SHISA6: variants seen among roughly 807,000 people sequenced by gnomAD.
SHISA6 encodes the protein shisa family member 6.
A neutral mutation model predicts 47.9 loss-of-function variants in SHISA6; 22 were observed. The observed-to-expected ratio is 0.46, with a 90% CI of 0.33 to 0.66. SHISA6 has a LOEUF of 0.66. Among genes scored for constraint, SHISA6 ranks in the 30% least tolerant of loss-of-function variants. The pLI is 0.02. For missense variants in SHISA6, 680 were observed against 764.6 expected, an observed-to-expected ratio of 0.89 and a Z score of 1.30; for synonymous variants, 388 against 337.8, an observed-to-expected ratio of 1.15 and a Z score of -1.63.
chr17:11,346,097 C>A (rs1911692234), intron 2 of SHISA6, among the ~76,000 whole-genome samples: 1 of 152,086 alleles, frequency 6.6e-6, no homozygotes, highest in African/African-American at 2.4e-5. Flanking sequence ...TTCATAGATG[C>A]TCTTTGCAAG....
intron 3 of SHISA6, among the ~76,000 whole-genome samples, chr17:11,503,402 G>C (rs2142348966): frequency 1.3e-5 from 2 of 152,164 alleles, no homozygotes; most frequent in Middle Eastern, 3.4e-3. Context: ...GAGAGTGGAG[G>C]TGGGGGTGGG....
chr17:11,370,811 G>A (rs1042069731), intron 2 of SHISA6, among the ~76,000 whole-genome samples: 2 of 152,132 alleles, frequency 1.3e-5, no homozygotes, highest in African/African-American at 4.8e-5. Context: ...TGAGAGTGTC[G>A]GGTAAGGTGG....
At chr17:11,348,822 T>G (rs1237274460) in intron 2 of SHISA6, among the ~76,000 whole-genome samples, 1 of 152,214 alleles carries the variant, frequency 6.6e-6, no homozygotes, top group Non-Finnish European at 1.5e-5. Context: ...ATTGCTCACT[T>G]TCAAACCACA....
At chr17:11,254,657 G>A (rs1000057513) in intron 1 of SHISA6, among the ~76,000 whole-genome samples, 2 of 152,208 alleles carry the variant, frequency 1.3e-5, no homozygotes, top group African/African-American at 4.8e-5. Context: ...TTGTTAGGAT[G>A]CAATTCTAGT....
At chr17:11,547,309 T>C (rs552683992) in intron 3 of SHISA6, among the ~76,000 whole-genome samples, 5 of 152,342 alleles carry the variant, frequency 3.3e-5, no homozygotes, top group African/African-American at 1.2e-4. Context: ...ATTGATTGTA[T>C]ATTAGTCCAC....
chr17:11,381,860 C>T (rs990177120), intron 3 of SHISA6, among the ~76,000 whole-genome samples: 5 of 152,188 alleles, frequency 3.3e-5, no homozygotes, highest in African/African-American at 1.2e-4. Context: ...GCGTGCATTG[C>T]TTGTTCTCCC....
chr17:11,410,085 A>T (rs1269275470), intron 3 of SHISA6, among the ~76,000 whole-genome samples: 1 of 152,200 alleles, frequency 6.6e-6, no homozygotes, highest in South Asian at 2.1e-4. Context: ...GTGAGTCCAG[A>T]TGCCTCCCAG....
At chr17:11,457,463 G>T (rs1013191803) in intron 3 of SHISA6, among the ~76,000 whole-genome samples, 1 of 152,144 alleles carries the variant, frequency 6.6e-6, no homozygotes, top group African/African-American at 2.4e-5. Flanking sequence ...CGGGCACGGT[G>T]GCTCATGCCT....
chr17:11,255,345 A>T (rs1907967172), intron 1 of SHISA6, among the ~76,000 whole-genome samples: 1 of 152,206 alleles, frequency 6.6e-6, no homozygotes, highest in Admixed American at 6.5e-5. Flanking sequence ...GAGGGAGGAA[A>T]GAAGGAAAGA....
chr17:11,471,783 T>A (rs1915940346), intron 3 of SHISA6, among the ~76,000 whole-genome samples: 1 of 152,190 alleles, frequency 6.6e-6, no homozygotes, highest in Admixed American at 6.5e-5. Flanking sequence ...TCTTAAAAGA[T>A]ATTTTTTAGA....
chr17:11,462,544 C>T (rs1463490125), intron 3 of SHISA6, among the ~76,000 whole-genome samples: 1 of 152,136 alleles, frequency 6.6e-6, no homozygotes, highest in Non-Finnish European at 1.5e-5. Flanking sequence ...GTTGGGCAAC[C>T]CTCAATAAGA....
chr17:11,243,586 C>T (rs574782824), intron 1 of SHISA6, among the ~76,000 whole-genome samples: 1 of 152,174 alleles, frequency 6.6e-6, no homozygotes, highest in South Asian at 2.1e-4. Flanking sequence ...GGACGGTGAG[C>T]AAAATAAAGG....
intron 3 of SHISA6, among the ~76,000 whole-genome samples, chr17:11,523,954 C>T (rs1485159424): frequency 1.3e-5 from 2 of 150,116 alleles, no homozygotes; most frequent in African/African-American, 4.9e-5. Context: ...TGCAGTGAGC[C>T]GAGAAACACG....
intron 3 of SHISA6, among the ~76,000 whole-genome samples, chr17:11,519,128 C>T (rs753682978): frequency 1.3e-4 from 20 of 152,310 alleles, no homozygotes; most frequent in Non-Finnish European, 2.1e-4. Context: ...TCTTCTCCTC[C>T]GCTGCCAAAG....
At chr17:11,401,939 C>T (rs555097276) in intron 3 of SHISA6, among the ~76,000 whole-genome samples, 30 of 152,290 alleles carry the variant, frequency 2.0e-4, no homozygotes, top group Middle Eastern at 3.4e-3. Context: ...TCCACACATA[C>T]GCATTGCAGT....
intron 3 of SHISA6, among the ~76,000 whole-genome samples, chr17:11,435,022 A>T (rs1340676166): frequency 6.6e-6 from 1 of 152,100 alleles, no homozygotes; most frequent in African/African-American, 2.4e-5. Context: ...TTTGGGAGAT[A>T]ATTAGGGTTA....
At chr17:11,330,102 G>C (rs1299754602) in intron 2 of SHISA6, among the ~76,000 whole-genome samples, 1 of 152,140 alleles carries the variant, frequency 6.6e-6, no homozygotes, top group Non-Finnish European at 1.5e-5. Context: ...TAGTATCCCA[G>C]AGGGAAGCAA....
chr17:11,311,276 C>T lies in SHISA6; in HGVS notation c.799+47750C>T, dbSNP rs1241408171. Reference sequence around the variant, plus strand: ...TAGCCTGGGAGGCAGAGCAAGACTTCGTCAAAAAAAAAAAAAAAAAAAAAC... The same window carrying T: ...TAGCCTGGGAGGCAGAGCAAGACTTTGTCAAAAAAAAAAAAAAAAAAAAAC... On this transcript the variant is annotated intron_variant, in intron 2 of 5. Transcript: ENST00000441885. 4.3e-3 allele frequency among the ~76,000 whole-genome samples: 403 copies of T among 94,598 alleles called. 5 individuals carry two copies. Among genetic ancestry groups the T allele is most frequent in the African/African-American group, 0.018 (385 of 21,140 alleles). 62.1% of individuals were successfully genotyped at this position (94,598 alleles called of 152,430 possible). A position where few individuals can be genotyped will look rare whatever the true frequency, so the allele number is the denominator to read the frequency against.
Position 11,290,505 on chromosome 17 carries a change from C to T in SHISA6, c.799+26979C>T, listed in dbSNP as rs1457326961. On this transcript the variant is annotated intron_variant, in intron 2 of 5. Transcript: ENST00000441885. ...AGCTGGGACTACAGGCGCCCGCCAC[C>T]ACACCTGGCTAAGTTTTTGTGTTTT... The T allele has an allele frequency of 4.6e-5, 7 of 152,072 alleles. No individual in the cohort carries two copies. The East Asian group carries it at 1.2e-3, about 25-fold the overall frequency. 9.4% of individuals were successfully genotyped at this position (152,072 alleles called of 1,614,324 possible). A position where few individuals can be genotyped will look rare whatever the true frequency, so the allele number is the denominator to read the frequency against.
Sources: gnomAD v4.1 joint callset for allele counts (sites outside exome capture counted in the v4.1 genomes callset) on GRCh38, gnomAD v4.1.1 for gene constraint, MANE v1.5 for transcripts, NCBI Gene and HGNC (gene_info 2026-07-23, HGNC 2026-07-21) for gene names.